Variants in HS6ST3 observed in about 807,000 individuals in gnomAD.
HS6ST3 encodes heparan-sulfate 6-O-sulfotransferase 3.
HS6ST3 carries 12 observed loss-of-function variants against 36.7 expected under a neutral mutation model. The observed-to-expected ratio is 0.33, with a 90% CI of 0.21 to 0.53. HS6ST3 has a LOEUF of 0.53. HS6ST3 is among the 20% of genes least tolerant of loss of function. HS6ST3 has a pLI of 0.95. For synonymous variants in HS6ST3, 240 were observed against 257.5 expected (o/e 0.93, Z 0.65); for missense variants, 584 against 640.9 (o/e 0.91, Z 0.96).
chr13:96,133,979 C>T (rs978679762), intron 1 of HS6ST3, among the ~76,000 whole-genome samples: 4 of 151,818 alleles, frequency 2.6e-5, no homozygotes, highest in Non-Finnish European at 5.9e-5. Context: ...GGCAAAGGTC[C>T]AATTTCATTC....
chr13:96,158,652 C>CAGA (rs2054121574), intron 1 of HS6ST3, among the ~76,000 whole-genome samples: 1 of 68,904 alleles, frequency 1.5e-5, no homozygotes, highest in Non-Finnish European at 2.5e-5. Flanking sequence ...GACTCCGTCT[C>CAGA]AAAAAAAAAA....
intron 1 of HS6ST3, among the ~76,000 whole-genome samples, chr13:96,263,434 G>A (rs1310272814): frequency 2.0e-5 from 3 of 152,032 alleles, no homozygotes; most frequent in South Asian, 2.1e-4. Context: ...AAATACATGT[G>A]AGCACCCACA....
chr13:96,477,470 T>C (rs578016990), intron 1 of HS6ST3, among the ~76,000 whole-genome samples: 1 of 152,356 alleles, frequency 6.6e-6, no homozygotes, highest in African/African-American at 2.4e-5. Context: ...AGGTCCTTAG[T>C]GTAAGAGAAC....
chr13:96,443,477 C>G (rs2055683401), intron 1 of HS6ST3, among the ~76,000 whole-genome samples: 1 of 144,916 alleles, frequency 6.9e-6, no homozygotes, highest in South Asian at 2.2e-4. Flanking sequence ...TTGCAGTGAG[C>G]CGAGATCACG....
intron 1 of HS6ST3, among the ~76,000 whole-genome samples, chr13:96,249,731 G>GAT (rs1268528563): frequency 6.6e-6 from 1 of 152,012 alleles, no homozygotes; most frequent in African/African-American, 2.4e-5. Flanking sequence ...CCCAAAATGT[G>GAT]ATATATACAC....
intron 1 of HS6ST3, among the ~76,000 whole-genome samples, chr13:96,195,744 A>ACT (rs777386646): frequency 1.3e-5 from 2 of 151,952 alleles, no homozygotes; most frequent in South Asian, 4.2e-4. Flanking sequence ...ATTATCATCT[A>ACT]CTCTCATTCA....
chr13:96,200,705 C>T (rs1400867698), intron 1 of HS6ST3, among the ~76,000 whole-genome samples: 1 of 152,150 alleles, frequency 6.6e-6, no homozygotes, highest in Admixed American at 6.6e-5. Flanking sequence ...TTGTTTTGCT[C>T]GCTAATGTAT....
chr13:96,432,862 T>C (rs1458563379), intron 1 of HS6ST3, among the ~76,000 whole-genome samples: 2 of 152,198 alleles, frequency 1.3e-5, no homozygotes, highest in African/African-American at 4.8e-5. Context: ...TGCATGAAAT[T>C]AGTACCAATA....
At chr13:96,594,883 G>A (rs1257542324) in intron 1 of HS6ST3, among the ~76,000 whole-genome samples, 2 of 152,054 alleles carry the variant, frequency 1.3e-5, no homozygotes, top group African/African-American at 2.4e-5. Context: ...TTTTAAGATG[G>A]CATTTCTTTT....
chr13:96,637,604 A>G (rs991909886), intron 1 of HS6ST3, among the ~76,000 whole-genome samples: 6 of 152,160 alleles, frequency 3.9e-5, no homozygotes, highest in African/African-American at 9.6e-5. Flanking sequence ...ATAGATGATA[A>G]TTAAGAGCAA....
chr13:96,797,914 G>A lies in HS6ST3; in HGVS notation c.708-34576G>A, dbSNP rs535408988. On this transcript the variant is annotated intron_variant, in intron 1 of 1. Coordinates refer to ENST00000376705, the MANE Select transcript of HS6ST3 (RefSeq NM_153456.4). The stretch of plus-strand genomic sequence containing the variant: ...TCAGATCCCACGGGTTGAGGGCTCA[G>A]TCCCCAAGACTACCCACTACACCAC... Among the ~76,000 whole-genome samples, 32 of 152,024 alleles carry A rather than the reference G, an allele frequency of 2.1e-4. 1 individual carries two copies. The highest frequency in any genetic ancestry group is 7.2e-4 in the African/African-American group (30 of 41,474).
chr13:96,120,723 C>A (rs2053921402), intron 1 of HS6ST3, among the ~76,000 whole-genome samples: 1 of 152,042 alleles, frequency 6.6e-6, no homozygotes, highest in Non-Finnish European at 1.5e-5. Context: ...ATAAAAAACA[C>A]AATTATAAAC....
intron 1 of HS6ST3, among the ~76,000 whole-genome samples, chr13:96,396,642 T>C (rs2055422926): frequency 6.6e-6 from 1 of 152,096 alleles, no homozygotes; most frequent in South Asian, 2.1e-4. Flanking sequence ...AAATTGGCCA[T>C]GGAAATTGAC....
intron 1 of HS6ST3, among the ~76,000 whole-genome samples, chr13:96,436,058 T>G (rs1245378897): frequency 6.6e-6 from 1 of 152,242 alleles, no homozygotes; most frequent in Non-Finnish European, 1.5e-5. Flanking sequence ...TTTGTTGTTC[T>G]CTTTGGGTGT....
intron 1 of HS6ST3, among the ~76,000 whole-genome samples, chr13:96,434,614 C>T (rs1335164072): frequency 2.0e-5 from 3 of 152,066 alleles, no homozygotes; most frequent in African/African-American, 7.2e-5. Flanking sequence ...GGTGCCCTGG[C>T]TCTTCTCTTA....
At chr13:96,753,923 G>A (rs965939030) in intron 1 of HS6ST3, among the ~76,000 whole-genome samples, 7 of 152,088 alleles carry the variant, frequency 4.6e-5, no homozygotes, top group African/African-American at 1.7e-4. Context: ...GGGTTCAAGC[G>A]ATTCTCCTGC....
intron 1 of HS6ST3, among the ~76,000 whole-genome samples, chr13:96,740,936 T>G (rs764401831): frequency 1.3e-5 from 2 of 152,182 alleles, no homozygotes; most frequent in African/African-American, 4.8e-5. Context: ...AAGTGCCAGA[T>G]AGCAGCACGT....
At chr13:96,431,347 C>A (rs983004356) in intron 1 of HS6ST3, among the ~76,000 whole-genome samples, 1 of 152,064 alleles carries the variant, frequency 6.6e-6, no homozygotes, top group African/African-American at 2.4e-5. Flanking sequence ...CTCTTTCGTT[C>A]CCTCCTCCAA....
intron 1 of HS6ST3, among the ~76,000 whole-genome samples, chr13:96,648,646 T>C (rs1016873107): frequency 7.2e-5 from 11 of 151,960 alleles, no homozygotes; most frequent in African/African-American, 2.4e-4. Context: ...ATGCACTCCC[T>C]CCCTCTCCCA....
Sources: allele counts gnomAD v4.1 joint callset (sites outside exome capture counted in the v4.1 genomes callset), GRCh38; gene constraint gnomAD v4.1.1; transcripts MANE v1.5; gene names NCBI Gene and HGNC (gene_info 2026-07-23, HGNC 2026-07-21).